The following ATP2B1 variants were observed in gnomAD, a reference collection of about 807,000 sequenced individuals.
The protein encoded by ATP2B1 is plasma membrane calcium-transporting ATPase 1.
In ATP2B1, 14 loss-of-function variants were observed where a neutral mutation model predicts 124.2. The observed-to-expected ratio is 0.11, with a 90% CI of 0.07 to 0.18. The LOEUF (loss-of-function observed/expected upper bound fraction) is 0.18. Ranked by LOEUF, ATP2B1 falls within the 10% of genes least tolerant of loss-of-function variation. The probability of loss-of-function intolerance (pLI) is 1.00; values close to 1 mark genes in which losing one functional copy is unlikely to be tolerated. For synonymous variants in ATP2B1, 449 were observed against 492.4 expected, an observed-to-expected ratio of 0.91 and a Z score of 1.17; for missense variants, 763 against 1,466.1, an observed-to-expected ratio of 0.52 and a Z score of 7.83.
chr12:89,664,924 C>G (rs550479779), intron 1 of ATP2B1, among the ~76,000 whole-genome samples: 34 of 151,378 alleles, frequency 2.2e-4, no homozygotes, highest in Non-Finnish European at 4.9e-4. Flanking sequence ...CTCACTGCAA[C>G]CTCCGCCTCC....
chr12:89,677,119 A>C (rs938709079), intron 1 of ATP2B1, among the ~76,000 whole-genome samples: 1 of 152,194 alleles, frequency 6.6e-6, no homozygotes, highest in Admixed American at 6.6e-5. Flanking sequence ...ACTACTCTGT[A>C]TATGTGCAGG....
intron 8 of ATP2B1, 127 bp from the exon 9 acceptor site, chr12:89,624,524 T>TC: frequency 6.1e-6 from 5 of 819,964 alleles, no homozygotes; most frequent in East Asian, 2.7e-5. Flanking sequence ...TCTGAGAAAT[T>TC]ACTTCTTTCT....
At chr12:89,677,816 C>T (rs1376478319) in intron 1 of ATP2B1, among the ~76,000 whole-genome samples, 1 of 151,254 alleles carries the variant, frequency 6.6e-6, no homozygotes, top group African/African-American at 2.4e-5. Context: ...TAATCAAAAA[C>T]CTAAAGGAAA....
chr12:89,664,708 T>G (rs144836957), intron 1 of ATP2B1, among the ~76,000 whole-genome samples: 1 of 152,344 alleles, frequency 6.6e-6, no homozygotes, highest in East Asian at 1.9e-4. Flanking sequence ...GTGATGCCAA[T>G]GCTACTGGTC....
intron 5 of ATP2B1, among the ~76,000 whole-genome samples, chr12:89,634,483 A>G (rs964717364): frequency 1.3e-5 from 2 of 152,160 alleles, no homozygotes; most frequent in African/African-American, 4.8e-5. Context: ...AACTCAAGAG[A>G]TATCATTAGG....
intron 1 of ATP2B1, among the ~76,000 whole-genome samples, chr12:89,673,358 G>A (rs536104677): frequency 2.0e-5 from 3 of 152,056 alleles, no homozygotes; most frequent in Admixed American, 6.5e-5. Context: ...TAATATATGC[G>A]CTCTCGTCTT....
rs1327039327 is a variant in ATP2B1 at position 89,677,969 on chromosome 12, TATACACACAC to T, written c.-221-21872_-221-21863del. ...CATGCAGGAATTATATATATATATA[TATACACACAC>T]ACACACACACACACACACACACACA... On this transcript the variant is annotated intron_variant, in intron 1 of 20. Coordinates refer to ENST00000428670, the MANE Select transcript of ATP2B1 (RefSeq NM_001366521.1). Among the ~76,000 whole-genome samples, 28 of 59,528 alleles carry T rather than the reference TATACACACAC, an allele frequency of 4.7e-4. 1 individual carries two copies. Among genetic ancestry groups the T allele is most frequent in the Non-Finnish European group, 8.8e-4 (25 of 28,458 alleles). The allele number at this position is 59,528 out of a possible 152,430, so 39.1% of individuals were successfully genotyped here. A position where few individuals can be genotyped will look rare whatever the true frequency, so the allele number is the denominator to read the frequency against.
intron 1 of ATP2B1, among the ~76,000 whole-genome samples, chr12:89,685,211 A>G (rs112956619): frequency 1.3e-5 from 2 of 152,166 alleles, no homozygotes; most frequent in African/African-American, 2.4e-5. Context: ...GTTCCTTATA[A>G]TAAAGCCTAG....
chr12:89,688,177 C>T lies in ATP2B1; in HGVS notation c.-222+20419G>A, dbSNP rs571532498. ...CCAAGGAGAAGATACAGCCTTCAGC[C>T]AAGGTCAGATTTTTGTTCACTGTGC... On this transcript the variant is annotated intron_variant, in intron 1 of 20. Coordinates refer to ENST00000428670, the MANE Select transcript of ATP2B1 (RefSeq NM_001366521.1). Among the ~76,000 whole-genome samples the T allele has an allele frequency of 7.2e-5, 11 of 152,100 alleles. No homozygotes were observed. In the South Asian group the frequency reaches 2.1e-3, roughly 29 times the overall value.
Position 89,630,406 on chromosome 12 carries a change from A to G in ATP2B1, c.928+99T>C, listed in dbSNP as rs1881660575. The G allele has an allele frequency of 4.4e-6, 5 of 1,128,694 alleles. No individual in the cohort carries two copies. In the South Asian group the frequency reaches 1.3e-4, roughly 30 times the overall value. The allele number at this position is 1,128,694 out of a possible 1,614,324, so 69.9% of individuals were successfully genotyped here. On this transcript the variant is annotated intron_variant, in intron 6 of 20. Transcript: ENST00000428670. ...GAAAAATCTTCTTTTAACTTTTTGT[A>G]GAATTTTTCATACCAGAATCTCTTG...
At chr12:89,670,740 A>G (rs1887860138) in intron 1 of ATP2B1, among the ~76,000 whole-genome samples, 1 of 151,862 alleles carries the variant, frequency 6.6e-6, no homozygotes, top group Admixed American at 6.5e-5. Context: ...TTGGCTTAAC[A>G]ATCAAAAAAA....
intron 20 of ATP2B1, among the ~76,000 whole-genome samples, chr12:89,597,472 T>G (rs1236055357): frequency 6.6e-6 from 1 of 152,188 alleles, no homozygotes; most frequent in Non-Finnish European, 1.5e-5. Flanking sequence ...GTTCTTACTG[T>G]GCCTGTTTCA....
intron 1 of ATP2B1, among the ~76,000 whole-genome samples, chr12:89,693,548 C>A (rs1592995654): frequency 4.6e-5 from 7 of 152,122 alleles, no homozygotes; most frequent in Admixed American, 4.6e-4. Context: ...ACAGCCGTTG[C>A]TTTTTAACCA....
intron 12 of ATP2B1, among the ~76,000 whole-genome samples, chr12:89,614,474 T>A (rs1305597736): frequency 6.6e-6 from 1 of 152,218 alleles, no homozygotes; most frequent in Non-Finnish European, 1.5e-5. Flanking sequence ...TTTATCTTAA[T>A]CTCTCAACAG....
At chr12:89,596,421 G>A (rs889389913) in intron 20 of ATP2B1, among the ~76,000 whole-genome samples, 6 of 151,994 alleles carry the variant, frequency 3.9e-5, no homozygotes, top group African/African-American at 1.2e-4. Flanking sequence ...CACACATACT[G>A]TCAATAATTA....
intron 15 of ATP2B1, among the ~76,000 whole-genome samples, chr12:89,605,602 G>A (rs1748030653): frequency 6.6e-6 from 1 of 152,090 alleles, no homozygotes; most frequent in Non-Finnish European, 1.5e-5. Flanking sequence ...GAATTATTAA[G>A]TCTTAGATAT....
At chr12:89,610,776 A>C in intron 13 of ATP2B1, 1 of 398,090 alleles carries the variant, frequency 2.5e-6, no homozygotes, top group Non-Finnish European at 4.5e-6. Context: ...GTTTTTATAT[A>C]TCATTATGAG....
chr12:89,658,690 C>T (rs1288701220), intron 1 of ATP2B1, among the ~76,000 whole-genome samples: 1 of 144,478 alleles, frequency 6.9e-6, no homozygotes, highest in Non-Finnish European at 1.5e-5. Context: ...ATCAATTGAG[C>T]CCCTGGGTCA....
intron 1 of ATP2B1, among the ~76,000 whole-genome samples, chr12:89,664,901 G>A (rs969313873): frequency 1.3e-5 from 2 of 150,144 alleles, no homozygotes; most frequent in Non-Finnish European, 3.0e-5. Flanking sequence ...AGGCTGGAGT[G>A]CAGTGCACTC....
Sources: gnomAD v4.1 joint callset for allele counts (sites outside exome capture counted in the v4.1 genomes callset) on GRCh38, gnomAD v4.1.1 for gene constraint, MANE v1.5 for transcripts, NCBI Gene and HGNC (gene_info 2026-07-23, HGNC 2026-07-21) for gene names.